Variants in TET1 observed in about 807,000 individuals in gnomAD.
TET1 encodes methylcytosine dioxygenase TET1.
In TET1, 13 loss-of-function variants were observed where a neutral mutation model predicts 148.7. That is an observed-to-expected ratio of 0.09 (90% CI 0.06 to 0.14). The LOEUF (loss-of-function observed/expected upper bound fraction) is 0.14. Ranked by LOEUF, TET1 falls within the 10% of genes least tolerant of loss-of-function variation. The pLI is 1.00. For synonymous variants in TET1, 907 were observed against 937.2 expected (o/e 0.97, Z 0.59); for missense variants, 2,182 against 2,553.8 (o/e 0.85, Z 3.14).
chr10:68,592,797 A>G (rs778545074), intron 2 of TET1, among the ~76,000 whole-genome samples: 11 of 152,098 alleles, frequency 7.2e-5, no homozygotes, highest in Non-Finnish European at 1.3e-4. Flanking sequence ...TCTGGGTACT[A>G]TATACCTCCT....
intron 3 of TET1, 126 bp downstream of exon 3, chr10:68,601,160 T>A: frequency 1.3e-6 from 1 of 770,072 alleles, no homozygotes. Context: ...ATGGATGAAT[T>A]TCCACTCAAC....
At chr10:68,577,816 A>G (rs1238472068) in intron 2 of TET1, among the ~76,000 whole-genome samples, 1 of 152,160 alleles carries the variant, frequency 6.6e-6, no homozygotes, top group African/African-American at 2.4e-5. Context: ...TCAAAAAACA[A>G]GAAACAAAAA....
At chr10:68,618,129 T>G (rs111713112) in intron 3 of TET1, among the ~76,000 whole-genome samples, 5 of 152,104 alleles carry the variant, frequency 3.3e-5, no homozygotes, top group African/African-American at 1.2e-4. Flanking sequence ...TTTTTAAGAG[T>G]AAAGGAGGAA....
At chr10:68,674,985 T>C (rs1026965972) in intron 8 of TET1, 4 of 392,556 alleles carry the variant, frequency 1.0e-5, no homozygotes, top group South Asian at 6.9e-5. Flanking sequence ...TAGCTTTGAA[T>C]TGGGGAAACT....
At chr10:68,663,173 T>A (rs1292252505) in intron 6 of TET1, among the ~76,000 whole-genome samples, 4 of 152,202 alleles carry the variant, frequency 2.6e-5, no homozygotes, top group Non-Finnish European at 4.4e-5. Context: ...CCTGACATGA[T>A]GCTCATTTAC....
chr10:68,632,533 A>G (rs1037173617), intron 3 of TET1: 93 of 1,611,684 alleles, frequency 5.8e-5, no homozygotes, highest in Non-Finnish European at 7.4e-5. Flanking sequence ...CACTAGTAGA[A>G]TTAGAAGATC....
intron 10 of TET1, among the ~76,000 whole-genome samples, chr10:68,684,080 T>A (rs1462652088): frequency 1.3e-5 from 2 of 152,162 alleles, no homozygotes; most frequent in Non-Finnish European, 2.9e-5. Context: ...CAGAGAATTC[T>A]AAAACCTTCA....
At chr10:68,567,861 A>G (rs2053624558) in intron 1 of TET1, among the ~76,000 whole-genome samples, 1 of 152,194 alleles carries the variant, frequency 6.6e-6, no homozygotes, top group Non-Finnish European at 1.5e-5. Flanking sequence ...CAATGAGAAC[A>G]AATGGTTACC....
intron 2 of TET1, among the ~76,000 whole-genome samples, chr10:68,592,474 G>T (rs1443317770): frequency 6.6e-6 from 1 of 152,120 alleles, no homozygotes; most frequent in Non-Finnish European, 1.5e-5. Flanking sequence ...AACAATTATG[G>T]ACAATTGAAA....
chr10:68,561,829 A>G (rs944036688), intron 1 of TET1, among the ~76,000 whole-genome samples: 3 of 151,680 alleles, frequency 2.0e-5, no homozygotes, highest in African/African-American at 7.3e-5. Flanking sequence ...TGAACGAGAA[A>G]CCCACGCTGG....
Position 68,580,578 on chromosome 10 carries a change from A to G in TET1, c.1914+6326A>G, listed in dbSNP as rs2053782697. Reference sequence around the variant, plus strand: ...GTAGATCACTTGAGGTCAGGAGTTCAAGACCAGCCTGGCCACATGGTGAAA... The same window carrying G: ...GTAGATCACTTGAGGTCAGGAGTTCGAGACCAGCCTGGCCACATGGTGAAA... On this transcript the variant is annotated intron_variant, in intron 2 of 11. Transcript: ENST00000373644. Among the ~76,000 whole-genome samples the G allele has an allele frequency of 2.0e-5, 3 of 150,974 alleles. No individual in the cohort carries two copies. The South Asian group carries it at 6.3e-4, about 32-fold the overall frequency.
chr10:68,610,546 G>A (rs575282187), intron 3 of TET1, among the ~76,000 whole-genome samples: 1 of 149,330 alleles, frequency 6.7e-6, no homozygotes, highest in African/African-American at 2.5e-5. Context: ...AGTTGAGATC[G>A]CCCACTGCAC....
At chr10:68,625,586 A>G (rs1174650907) in intron 3 of TET1, among the ~76,000 whole-genome samples, 2 of 152,152 alleles carry the variant, frequency 1.3e-5, no homozygotes, top group Non-Finnish European at 2.9e-5. Context: ...AGGAAATCAC[A>G]TGGTTTTCTG....
chr10:68,643,416 T>G (rs899390146), intron 3 of TET1, among the ~76,000 whole-genome samples: 2 of 152,178 alleles, frequency 1.3e-5, no homozygotes, highest in African/African-American at 4.8e-5. Context: ...ACAGTGAGAA[T>G]GGACTACAAG....
rs535955010 is a variant in TET1, at chr10:68,617,873, T to A, written c.1968+16839T>A. ...TGGACTCTATTTTTAACCCAAACAT[T>A]TTATCTTGTACCATGTTACCTTTAC... On this transcript the variant is annotated intron_variant, in intron 3 of 11. Coordinates refer to ENST00000373644, the MANE Select transcript of TET1 (RefSeq NM_030625.3). Among the ~76,000 whole-genome samples, 198 of 152,152 alleles carry A rather than the reference T, an allele frequency of 1.3e-3. 3 individuals are homozygous for A. Among genetic ancestry groups the A allele is most frequent in the Non-Finnish European group, 2.3e-3 (153 of 67,996 alleles).
intron 2 of TET1, among the ~76,000 whole-genome samples, chr10:68,576,359 A>G (rs899067291): frequency 1.3e-5 from 2 of 151,944 alleles, no homozygotes; most frequent in Non-Finnish European, 2.9e-5. Flanking sequence ...AAAAAAAAAA[A>G]AAAAAGTATT....
In TET1 at chr10:68,646,555, G is replaced by A. The variant is rs757013883; in HGVS notation, c.3826G>A (p.Ala1276Thr). 1.7e-5 allele frequency: 28 copies of A among 1,614,026 alleles called. 1 individual carries two copies. In the South Asian group the frequency reaches 3.1e-4, roughly 18 times the overall value. The change falls in exon 4 of 12, where the codon GCA becomes ACA. Residue 1276 changes from alanine (A) to threonine (T), a missense_variant. Ala to Thr is a moderately conservative substitution (Grantham distance 58, BLOSUM62 0). Around this residue, in one of 11 missense-constraint regions of TET1, gnomAD observed 582 missense variants for 599.5 expected, o/e 0.97. Transcript: ENST00000373644. ...TCTTAAAACGGAATCCAACGGGAAG[G>A]CATTCACTGATAAAGCTTATAATTC... The part of the protein sequence containing the change: ...FHLKTESNGK[A>T]FTDKAYNSQV...
chr10:68,649,409 A>G (rs1339581091), intron 4 of TET1, among the ~76,000 whole-genome samples: 1 of 152,180 alleles, frequency 6.6e-6, no homozygotes, highest in African/African-American at 2.4e-5. Context: ...AGATGAGACC[A>G]TCCTGGCTAA....
chr10:68,674,597 G>A (rs955453828), intron 8 of TET1: 1 of 520,684 alleles, frequency 1.9e-6, no homozygotes, highest in South Asian at 1.6e-5. Context: ...TCAGGGGAAT[G>A]ATTGCCTGAT....
Sources: allele counts gnomAD v4.1 joint callset (sites outside exome capture counted in the v4.1 genomes callset), GRCh38; gene constraint gnomAD v4.1.1; regional missense constraint gnomAD v4.1.1; transcripts MANE v1.5; gene names NCBI Gene and HGNC (gene_info 2026-07-23, HGNC 2026-07-21).